The following FSTL4 variants were observed in gnomAD, a reference collection of about 807,000 sequenced individuals.
FSTL4 encodes the protein follistatin like 4.
FSTL4 carries 28 observed loss-of-function variants against 78.2 expected under a neutral mutation model. That is an observed-to-expected ratio of 0.36 (90% CI 0.27 to 0.49). The LOEUF is 0.49. Among genes scored for constraint, FSTL4 ranks in the 20% least tolerant of loss-of-function variants. The probability of loss-of-function intolerance (pLI) is 0.98; values close to 1 mark genes in which losing one functional copy is unlikely to be tolerated. For synonymous variants in FSTL4, 422 were observed against 440.5 expected (o/e 0.96, Z 0.53); for missense variants, 922 against 1,084.9 (o/e 0.85, Z 2.11).
the FSTL4 span, among the ~76,000 whole-genome samples, chr5:133,808,362 A>C: frequency 6.6e-6 from 1 of 152,312 alleles, no homozygotes; most frequent in South Asian, 2.1e-4. Context: ...GAGCGAAGCC[A>C]TGTTGTTCAA....
intron 6 of FSTL4, among the ~76,000 whole-genome samples, chr5:133,278,669 G>A (rs1195229917): frequency 6.6e-6 from 1 of 152,216 alleles, no homozygotes; most frequent in Non-Finnish European, 1.5e-5. Flanking sequence ...GAAGACCTCA[G>A]TGGAGCACTG....
At chr5:133,685,919 G>A in the FSTL4 span, among the ~76,000 whole-genome samples, 271 of 152,136 alleles carry the variant, frequency 1.8e-3, no homozygotes, top group African/African-American at 5.9e-3. Flanking sequence ...TTTCTTATTC[G>A]CCACACAATC....
the FSTL4 span, among the ~76,000 whole-genome samples, chr5:133,794,984 G>A: frequency 2.4e-4 from 36 of 152,286 alleles, 1 homozygote; most frequent in South Asian, 5.0e-3. Flanking sequence ...TGTCCAGGCT[G>A]CTCCTGGTGC....
intron 4 of FSTL4, among the ~76,000 whole-genome samples, chr5:133,384,472 C>T (rs944641523): frequency 2.0e-5 from 3 of 152,222 alleles, no homozygotes; most frequent in Non-Finnish European, 4.4e-5. Flanking sequence ...TCTGCTTAGA[C>T]GAGGACTGGC....
chr5:133,413,037 G>T (rs1180387622), intron 3 of FSTL4, among the ~76,000 whole-genome samples: 1 of 151,794 alleles, frequency 6.6e-6, no homozygotes, highest in Non-Finnish European at 1.5e-5. Context: ...ACTTCACCCT[G>T]ATTTTCTTCT....
chr5:133,202,041 A>G lies in FSTL4; in HGVS notation c.1718T>C (p.Val573Ala). 6.3e-7 allele frequency: 1 copy of G among 1,594,020 alleles called. No homozygotes were observed. Among genetic ancestry groups the G allele is most frequent in the South Asian group, 1.1e-5 (1 of 88,574 alleles). ...CTGGCCGGTGCTGGCTTCTGTGATC[A>G]CCTACAACACAGAGTGGGAATCCTA... ...DVHKSRPSLQ[V>A]ITEASTGQSQ... Residue 573 changes from valine to alanine, a missense_variant and splice_region_variant, in exon 15 of 16, where the codon GTG becomes GCG. By Grantham distance (64) the Val-to-Ala change is moderately conservative. Transcript: ENST00000265342.
At chr5:133,779,042 G>A in the FSTL4 span, among the ~76,000 whole-genome samples, 3 of 152,196 alleles carry the variant, frequency 2.0e-5, no homozygotes, top group Non-Finnish European at 2.9e-5. Flanking sequence ...GGACCTCTGT[G>A]GGACCACCAG....
chr5:133,217,236 A>G lies in FSTL4; in HGVS notation c.1601T>C (p.Val534Ala). 6.2e-7 allele frequency: 1 copy of G among 1,613,662 alleles called. No individual in the cohort carries two copies. Among genetic ancestry groups the G allele is most frequent in the Non-Finnish European group, 8.5e-7 (1 of 1,179,704 alleles). ...VLVVDIQAQK[V>A]LQSIGVDPLP... is the part of the protein sequence containing the mutation. The stretch of plus-strand genomic sequence containing the variant: ...TCCATTAAAGAGGTGTACCTGTAGG[A>G]CTTTCTGGGCTTGGATGTCGACCAC... Residue 534 changes from valine to alanine, a missense_variant, in exon 13 of 16, where the codon GTC becomes GCC. Coordinates refer to ENST00000265342, the MANE Select transcript of FSTL4 (RefSeq NM_015082.2).
rs116303269 is a variant in FSTL4 at position 133,406,106 on chromosome 5, G to A, written c.161-5120C>T. Among the ~76,000 whole-genome samples the A allele has an allele frequency of 3.7e-3, 563 of 152,354 alleles. 6 individuals are homozygous for A. Among genetic ancestry groups the A allele is most frequent in the African/African-American group, 0.013 (531 of 41,586 alleles). ...AAATGCGAGGAAGGAAATAACCAGG[G>A]TGCTGCAGCGGGCACACTTTACTCT... On this transcript the variant is annotated intron_variant, in intron 3 of 15. Coordinates refer to ENST00000265342, the MANE Select transcript of FSTL4 (RefSeq NM_015082.2).
At chr5:133,805,456 G>A in the FSTL4 span, among the ~76,000 whole-genome samples, 1 of 152,324 alleles carries the variant, frequency 6.6e-6, no homozygotes, top group East Asian at 1.9e-4. Context: ...TACCACATGT[G>A]CATATGAAAA....
At chr5:133,202,573 G>A (rs1750363227) in intron 14 of FSTL4, 1 of 152,514 alleles carries the variant, frequency 6.6e-6, no homozygotes, top group Non-Finnish European at 1.5e-5. Context: ...GGGCCAGTTT[G>A]TTGGTAGTCT....
chr5:133,655,407 C>T, the FSTL4 span, among the ~76,000 whole-genome samples: 1 of 152,156 alleles, frequency 6.6e-6, no homozygotes, highest in East Asian at 1.9e-4. Flanking sequence ...CAATGCTCAC[C>T]CCTGCCCCAT....
chr5:133,531,430 C>A (rs1381711174), intron 3 of FSTL4, among the ~76,000 whole-genome samples: 2 of 152,110 alleles, frequency 1.3e-5, no homozygotes, highest in Admixed American at 1.3e-4. Context: ...CTTAAGCGTC[C>A]TACTTCTGCC....
the FSTL4 span, among the ~76,000 whole-genome samples, chr5:133,789,423 T>C: frequency 2.6e-5 from 4 of 152,248 alleles, no homozygotes; most frequent in South Asian, 8.3e-4. Flanking sequence ...CTCTCTGGAC[T>C]CTACAAGGAA....
the FSTL4 span, among the ~76,000 whole-genome samples, chr5:133,797,101 G>A: frequency 3.3e-5 from 5 of 152,292 alleles, no homozygotes; most frequent in Non-Finnish European, 7.4e-5. Flanking sequence ...CCATGGCCTG[G>A]CAAAATACAA....
chr5:133,581,175 G>A (rs991342844), intron 2 of FSTL4, among the ~76,000 whole-genome samples: 1 of 152,138 alleles, frequency 6.6e-6, no homozygotes, highest in African/African-American at 2.4e-5. Flanking sequence ...AATTAAAAAG[G>A]CTTTAAGGCA....
chr5:133,814,980 G>A, the FSTL4 span, among the ~76,000 whole-genome samples: 1 of 152,092 alleles, frequency 6.6e-6, no homozygotes, highest in African/African-American at 2.4e-5. Flanking sequence ...AATCCAGCTC[G>A]CATCAGAACC....
At chr5:133,427,100 C>A (rs963183695) in intron 3 of FSTL4, among the ~76,000 whole-genome samples, 1 of 152,204 alleles carries the variant, frequency 6.6e-6, no homozygotes, top group African/African-American at 2.4e-5. Flanking sequence ...CACACAGGCT[C>A]TGGAGTCAGG....
At chr5:133,575,341 G>A (rs1760254985) in intron 2 of FSTL4, 1 of 152,194 alleles carries the variant, frequency 6.6e-6, no homozygotes, top group African/African-American at 2.4e-5. Context: ...CTGTGCCTCT[G>A]TCACCTTTGT....
Sources: gnomAD v4.1 joint callset for allele counts (sites outside exome capture counted in the v4.1 genomes callset) on GRCh38, gnomAD v4.1.1 for gene constraint, MANE v1.5 for transcripts, NCBI Gene and HGNC (gene_info 2026-07-23, HGNC 2026-07-21) for gene names.